KIRREL3: variants seen among roughly 807,000 people sequenced by gnomAD.
KIRREL3 encodes kirre like nephrin family adhesion molecule 3.
In KIRREL3, 36 loss-of-function variants were observed where a neutral mutation model predicts 89.7. The ratio of observed to expected loss-of-function variants is 0.40; its 90% CI spans 0.31 to 0.53. The LOEUF is 0.53. KIRREL3 is among the 20% of genes least tolerant of loss of function. KIRREL3 has a pLI of 0.49. For missense variants in KIRREL3, 864 were observed against 1,056.6 expected (o/e 0.82, Z 2.53); for synonymous variants, 445 against 441.4 (o/e 1.01, Z -0.10).
chr11:126,501,541 C>T lies in KIRREL3; in HGVS notation c.433+19774G>A, dbSNP rs549251190. ...GGGAGCATTTTCATCCCAGGCGGTG[C>T]GTGACAAAGCTAGGATTTGAACCCA... On this transcript the variant is annotated intron_variant, in intron 4 of 16. Transcript: ENST00000525144. This position sits in a 1 kb window ranked among gnomAD's most constrained non-coding sequence, Gnocchi z 5.8. 5.3e-5 allele frequency among the ~76,000 whole-genome samples: 8 copies of T among 152,198 alleles called. No individual in the cohort carries two copies. In the East Asian group the frequency reaches 1.4e-3, roughly 26 times the overall value.
At chr11:126,661,729 A>G (rs978271695) in intron 1 of KIRREL3, among the ~76,000 whole-genome samples, 5 of 152,186 alleles carry the variant, frequency 3.3e-5, no homozygotes, top group African/African-American at 1.2e-4. Flanking sequence ...CTAGAAAACT[A>G]TGGATACCCA....
rs1947504511 is a variant in KIRREL3 at position 126,705,738 on chromosome 11, T to C, written c.56-142826A>G. ...AAAATGCACTGTGGTAAATTACAGA[T>C]GGCTACAAACACTTAGCCACTCCTC... On this transcript the variant is annotated intron_variant, in intron 1 of 16. Transcript: ENST00000525144. The surrounding 1 kb of genome is among the most constrained non-coding windows in gnomAD (Gnocchi z 4.3). Among the ~76,000 whole-genome samples, 1 of 152,220 alleles carries C rather than the reference T, an allele frequency of 6.6e-6. No individual in the cohort carries two copies. Among genetic ancestry groups the C allele is most frequent in the African/African-American group, 2.4e-5 (1 of 41,458 alleles).
At chr11:126,827,962 G>T (rs1411054192) in intron 1 of KIRREL3, among the ~76,000 whole-genome samples, 3 of 152,152 alleles carry the variant, frequency 2.0e-5, no homozygotes. Flanking sequence ...TCCAATCTTA[G>T]TGGATTTGTG....
At position 126,870,235 on chromosome 11, in the gene KIRREL3, G is replaced by A. The variant is rs1261381666; in HGVS notation, c.55+130220C>T. 2.0e-5 allele frequency among the ~76,000 whole-genome samples: 3 copies of A among 152,156 alleles called. No individual in the cohort carries two copies. Among genetic ancestry groups the A allele is most frequent in the Non-Finnish European group, 4.4e-5 (3 of 68,030 alleles). ...CCTGTCTGCCCCAGGCTCATATTCT[G>A]CCAGGGACCACACTGAACACCCTCC... is the stretch of plus-strand genomic sequence containing the variant. On this transcript the variant is annotated intron_variant, in intron 1 of 16. Transcript: ENST00000525144. The surrounding 1 kb of genome is among the most constrained non-coding windows in gnomAD (Gnocchi z 4.4).
At chr11:126,674,733 G>A (rs1946109975) in intron 1 of KIRREL3, among the ~76,000 whole-genome samples, 1 of 152,176 alleles carries the variant, frequency 6.6e-6, no homozygotes, top group Non-Finnish European at 1.5e-5. Flanking sequence ...TCTTTTCTTA[G>A]GAGCTAAGAA....
chr11:126,573,451 T>A (rs1260838659), intron 1 of KIRREL3, among the ~76,000 whole-genome samples: 3 of 152,016 alleles, frequency 2.0e-5, no homozygotes, highest in African/African-American at 4.8e-5. Flanking sequence ...CCCAGGCAGC[T>A]ACCCGCTTCC....
Position 126,772,102 on chromosome 11 carries a change from A to G in KIRREL3, c.56-209190T>C, listed in dbSNP as rs149999899. ...GCCAGCTCATTCTCAGGGCAGAAGA[A>G]CCAGTGTAGTCTCTCACTAATGTCT... On this transcript the variant is annotated intron_variant, in intron 1 of 16. Transcript: ENST00000525144. The surrounding 1 kb of genome is among the most constrained non-coding windows in gnomAD (Gnocchi z 4.6). Among the ~76,000 whole-genome samples the G allele has an allele frequency of 2.0e-5, 3 of 152,318 alleles. No individual in the cohort carries two copies. The East Asian group carries it at 5.8e-4, about 29-fold the overall frequency.
In KIRREL3 at chr11:126,999,999, T is replaced by C. The variant is rs920588336; in HGVS notation, c.55+456A>G. Reference sequence around the variant, plus strand: ...CGGTGCAAACCACACACATTCGCTTTTGAATACACTTGTGCAAGTCAAACC... The same window carrying C: ...CGGTGCAAACCACACACATTCGCTTCTGAATACACTTGTGCAAGTCAAACC... On this transcript the variant is annotated intron_variant, in intron 1 of 16. Coordinates refer to ENST00000525144, the MANE Select transcript of KIRREL3 (RefSeq NM_032531.4). This position sits in a 1 kb window ranked among gnomAD's most constrained non-coding sequence, Gnocchi z 5.7. Among the ~76,000 whole-genome samples, 6 of 152,164 alleles carry C rather than the reference T, an allele frequency of 3.9e-5. No homozygotes were observed. Among genetic ancestry groups the C allele is most frequent in the Non-Finnish European group, 8.8e-5 (6 of 68,028 alleles).
rs1166312773 is a variant in KIRREL3, at chr11:126,731,347, G to T, written c.56-168435C>A. ...AGGTCTCAAATGACCCTATCCCAGG[G>T]TCCATCCCGCTGTGTCCACTGTTTG... On this transcript the variant is annotated intron_variant, in intron 1 of 16. Transcript: ENST00000525144. Among the ~76,000 whole-genome samples, 3 of 152,180 alleles carry T rather than the reference G, an allele frequency of 2.0e-5. No homozygotes were observed. The East Asian group carries it at 5.8e-4, about 29-fold the overall frequency.
chr11:126,455,911 C>G lies in KIRREL3; in HGVS notation c.848+438G>C, dbSNP rs1005871630. 2.0e-5 allele frequency among the ~76,000 whole-genome samples: 3 copies of G among 151,998 alleles called. No individual in the cohort carries two copies. Among genetic ancestry groups the G allele is most frequent in the Admixed American group, 6.6e-5 (1 of 15,258 alleles). On this transcript the variant is annotated intron_variant, in intron 7 of 16. Coordinates refer to ENST00000525144, the MANE Select transcript of KIRREL3 (RefSeq NM_032531.4). This position sits in a 1 kb window ranked among gnomAD's most constrained non-coding sequence, Gnocchi z 6.4. ...CCATGAGTAAGTGTGATCCCGGATG[C>G]TCACTGGACTGGGCCGGGGCCCAGA...
rs1032076383 is a variant in KIRREL3 at position 126,931,074 on chromosome 11, T to C, written c.55+69381A>G. Among the ~76,000 whole-genome samples the C allele has an allele frequency of 1.3e-5, 2 of 152,172 alleles. No homozygotes were observed. The highest frequency in any genetic ancestry group is 2.9e-5 in the Non-Finnish European group (2 of 68,024). On this transcript the variant is annotated intron_variant, in intron 1 of 16. Transcript: ENST00000525144. This position sits in a 1 kb window ranked among gnomAD's most constrained non-coding sequence, Gnocchi z 5.1. ...CCTTCTCTCAGAAAGCTTTGGGCAG[T>C]TGGATACCCTACCTGTGAGTTCCCA...
chr11:126,697,178 A>G lies in KIRREL3; in HGVS notation c.56-134266T>C, dbSNP rs561433702. The stretch of plus-strand genomic sequence containing the variant: ...CCGCTGGTCCCCCAGACCTGTGTTC[A>G]CCTGGCTCACAGCCCTCCTTAATTA... On this transcript the variant is annotated intron_variant, in intron 1 of 16. Transcript: ENST00000525144. The surrounding 1 kb of genome is among the most constrained non-coding windows in gnomAD (Gnocchi z 4.2). Among the ~76,000 whole-genome samples the G allele has an allele frequency of 6.6e-6, 1 of 152,190 alleles. No homozygotes were observed. The highest frequency in any genetic ancestry group is 1.9e-4 in the East Asian group (1 of 5,166).
At chr11:126,449,192 A>C (rs1366181580) in intron 7 of KIRREL3, 35 bp from the exon 8 acceptor site, 2 of 1,608,528 alleles carry the variant, frequency 1.2e-6, no homozygotes, top group African/African-American at 2.7e-5. Context: ...GTGGGCCTTG[A>C]GTGGCAAGGC....
intron 1 of KIRREL3, among the ~76,000 whole-genome samples, chr11:126,971,730 G>C (rs995561978): frequency 1.3e-5 from 2 of 152,152 alleles, no homozygotes; most frequent in Non-Finnish European, 2.9e-5. Context: ...CATCGAAGAC[G>C]GTCCTCTGAA....
rs1339401725 is a variant in KIRREL3, at chr11:126,740,084, CT to C, written c.56-177173del. Among the ~76,000 whole-genome samples the C allele has an allele frequency of 6.6e-6, 1 of 152,098 alleles. No homozygotes were observed. Among genetic ancestry groups the C allele is most frequent in the African/African-American group, 2.4e-5 (1 of 41,428 alleles). The stretch of plus-strand genomic sequence containing the variant: ...CAGCTGATTTAAAATGCAGTTTAAC[CT>C]GAGGTAATTTGGCCCATTAGTTCAA... On this transcript the variant is annotated intron_variant, in intron 1 of 16. Coordinates refer to ENST00000525144, the MANE Select transcript of KIRREL3 (RefSeq NM_032531.4). The surrounding 1 kb of genome is among the most constrained non-coding windows in gnomAD (Gnocchi z 6.0).
rs1947143560 is a variant in KIRREL3 at position 126,697,423 on chromosome 11, G to A, written c.56-134511C>T. Among the ~76,000 whole-genome samples the A allele has an allele frequency of 6.6e-6, 1 of 152,130 alleles. No individual in the cohort carries two copies. The highest frequency in any genetic ancestry group is 2.1e-4 in the South Asian group (1 of 4,826). On this transcript the variant is annotated intron_variant, in intron 1 of 16. Coordinates refer to ENST00000525144, the MANE Select transcript of KIRREL3 (RefSeq NM_032531.4). The surrounding 1 kb of genome is among the most constrained non-coding windows in gnomAD (Gnocchi z 4.2). ...AACATGAGGGTAATAGTTCCCAGTT[G>A]CCAAAGCTTTTCCCACAGACCCTGA...
intron 1 of KIRREL3, among the ~76,000 whole-genome samples, chr11:126,596,415 C>A (rs1942397652): frequency 6.6e-6 from 1 of 152,204 alleles, no homozygotes. Context: ...AAGTAACATG[C>A]CCAATGTCAC....
chr11:126,880,908 A>G (rs900264398), intron 1 of KIRREL3, among the ~76,000 whole-genome samples: 5 of 152,218 alleles, frequency 3.3e-5, no homozygotes, highest in Non-Finnish European at 7.3e-5. Flanking sequence ...TTACACAGTA[A>G]ACTTTTCTTT....
At chr11:126,726,204 A>G (rs1171795459) in intron 1 of KIRREL3, among the ~76,000 whole-genome samples, 1 of 152,146 alleles carries the variant, frequency 6.6e-6, no homozygotes, top group African/African-American at 2.4e-5. Flanking sequence ...TGTTTCTTAA[A>G]GCTCTGACAT....
Sources: allele counts gnomAD v4.1 joint callset (sites outside exome capture counted in the v4.1 genomes callset), GRCh38; gene constraint gnomAD v4.1.1; non-coding constraint Gnocchi (gnomAD v3.1); transcripts MANE v1.5; gene names NCBI Gene and HGNC (gene_info 2026-07-23, HGNC 2026-07-21).